CACNB4: variants seen among roughly 807,000 people sequenced by gnomAD.
CACNB4 encodes calcium voltage-gated channel auxiliary subunit beta 4.
In CACNB4, 32 loss-of-function variants were observed where a neutral mutation model predicts 71.2. The ratio of observed to expected loss-of-function variants is 0.45; its 90% confidence interval spans 0.34 to 0.60. CACNB4 has a LOEUF of 0.60. CACNB4 is among the 20% of genes least tolerant of loss of function. The pLI is 0.01. For missense variants in CACNB4, 464 were observed against 647.9 expected (o/e 0.72, Z 3.08); for synonymous variants, 231 against 236.9 (o/e 0.97, Z 0.23).
chr2:151,944,014 T>C (rs1003007239), intron 2 of CACNB4, among the ~76,000 whole-genome samples: 1 of 147,872 alleles, frequency 6.8e-6, no homozygotes, highest in African/African-American at 2.5e-5. Context: ...GGATACAGGA[T>C]TATACTTTCT....
At chr2:151,842,320 CTTTTTTTTTTTTT>C (rs35662354) in intron 12 of CACNB4, among the ~76,000 whole-genome samples, 5 of 67,708 alleles carry the variant, frequency 7.4e-5, no homozygotes, top group African/African-American at 2.9e-4. Context: ...ATATTTGGAT[CTTTTTTTTTTTTT>C]TTTTTTTTTT....
chr2:152,096,261 A>G (rs990866379), intron 2 of CACNB4, among the ~76,000 whole-genome samples: 2 of 152,118 alleles, frequency 1.3e-5, no homozygotes, highest in African/African-American at 2.4e-5. Flanking sequence ...AGGTGGGCAG[A>G]TCACGAGGTC....
chr2:152,063,037 C>T (rs1686107065), intron 2 of CACNB4, among the ~76,000 whole-genome samples: 1 of 152,204 alleles, frequency 6.6e-6, no homozygotes, highest in African/African-American at 2.4e-5. Context: ...ACAATTCCCT[C>T]AGCTGCTCCA....
chr2:152,004,336 T>G (rs1204890923), intron 2 of CACNB4, among the ~76,000 whole-genome samples: 1 of 152,040 alleles, frequency 6.6e-6, no homozygotes, highest in Non-Finnish European at 1.5e-5. Flanking sequence ...TCCTCTCCTT[T>G]TCGATGTTCT....
intron 2 of CACNB4, among the ~76,000 whole-genome samples, chr2:152,038,808 C>T (rs1254625770): frequency 1.3e-5 from 2 of 152,126 alleles, no homozygotes; most frequent in Non-Finnish European, 2.9e-5. Context: ...TGGAGAGGGA[C>T]AGTTCCCTCA....
rs1685631319 is a variant in CACNB4, at chr2:152,054,612, CATAAG to C, written c.147+43713_147+43717del. On this transcript the variant is annotated intron_variant, in intron 2 of 13. Coordinates refer to ENST00000539935, the MANE Select transcript of CACNB4 (RefSeq NM_000726.5). The stretch of plus-strand genomic sequence containing the variant: ...GTACCTAGTAGTGGACTTGCTGGGT[CATAAG>C]ATAACTCTATACTTAACCTTTTCAG... Among the ~76,000 whole-genome samples, 4 of 152,226 alleles carry C rather than the reference CATAAG, an allele frequency of 2.6e-5. No homozygotes were observed. The South Asian group carries it at 8.3e-4, about 32-fold the overall frequency.
chr2:152,019,651 T>TC (rs1000784489), intron 2 of CACNB4, among the ~76,000 whole-genome samples: 17 of 151,936 alleles, frequency 1.1e-4, no homozygotes, highest in Middle Eastern at 3.2e-3. Flanking sequence ...AGATGATATC[T>TC]CCCCAAAAAA....
chr2:152,049,065 T>C (rs1181441355), intron 2 of CACNB4, among the ~76,000 whole-genome samples: 1 of 152,186 alleles, frequency 6.6e-6, no homozygotes, highest in Non-Finnish European at 1.5e-5. Flanking sequence ...GCGGTAGCCT[T>C]GTATGTTTTT....
intron 2 of CACNB4, among the ~76,000 whole-genome samples, chr2:151,943,444 A>C (rs1467828733): frequency 1.3e-5 from 2 of 152,180 alleles, no homozygotes; most frequent in Non-Finnish European, 2.9e-5. Context: ...AAAATCTATA[A>C]AGAGGTCTTC....
intron 2 of CACNB4, among the ~76,000 whole-genome samples, chr2:152,066,116 A>G (rs973029975): frequency 5.9e-5 from 9 of 152,162 alleles, no homozygotes; most frequent in Non-Finnish European, 1.0e-4. Flanking sequence ...ATCTTACTCC[A>G]GCCTCTGCTG....
At chr2:151,936,389 C>T (rs138330874) in intron 2 of CACNB4, 3 of 152,296 alleles carry the variant, frequency 2.0e-5, no homozygotes, top group South Asian at 2.1e-4. Context: ...TTTGCCACTT[C>T]CTTAGGGAAT....
intron 6 of CACNB4, chr2:151,871,909 C>G (rs565583546): frequency 1.3e-5 from 2 of 159,394 alleles, no homozygotes; most frequent in East Asian, 3.8e-4. Context: ...CTCTTCATTA[C>G]CATTAATTCC....
chr2:151,868,555 C>T (rs1332991716), intron 9 of CACNB4: 2 of 151,920 alleles, frequency 1.3e-5, no homozygotes, highest in Non-Finnish European at 2.9e-5. Flanking sequence ...ATGGCTAATG[C>T]CTGAGCCATA....
chr2:151,882,567 A>G (rs2099848191), intron 3 of CACNB4, among the ~76,000 whole-genome samples: 1 of 152,124 alleles, frequency 6.6e-6, no homozygotes, highest in Non-Finnish European at 1.5e-5. Context: ...TCGTGCTTCA[A>G]AAAATCAAAA....
chr2:151,973,579 G>T, intron 2 of CACNB4: 2 of 1,185,230 alleles, frequency 1.7e-6, no homozygotes, highest in Non-Finnish European at 1.2e-6. Flanking sequence ...TCCCTGCGTT[G>T]CCTAAGAAAT....
chr2:152,051,035 T>C (rs1386447216), intron 2 of CACNB4, among the ~76,000 whole-genome samples: 1 of 151,958 alleles, frequency 6.6e-6, no homozygotes, highest in African/African-American at 2.4e-5. Flanking sequence ...TCCCAAGTGC[T>C]GGGATTACAG....
At chr2:152,015,138 AT>A (rs917236829) in intron 2 of CACNB4, among the ~76,000 whole-genome samples, 72 of 146,624 alleles carry the variant, frequency 4.9e-4, no homozygotes, top group African/African-American at 9.9e-4. Context: ...CTCTAAAACA[AT>A]TTTTTTTTTT....
At position 152,008,771 on chromosome 2, in the gene CACNB4, C is replaced by T. The variant is rs1579118164; in HGVS notation, c.147+89559G>A. On this transcript the variant is annotated intron_variant, in intron 2 of 13. Transcript: ENST00000539935. Reference sequence around the variant, plus strand: ...TTGATCCTCCAAGCATGATCTCTTGCAGCCTGGGTGCAGCGGGGAGCTTGT... The same window carrying T: ...TTGATCCTCCAAGCATGATCTCTTGTAGCCTGGGTGCAGCGGGGAGCTTGT... Among the ~76,000 whole-genome samples the T allele has an allele frequency of 2.6e-5, 4 of 152,198 alleles. No individual in the cohort carries two copies. In the South Asian group the frequency reaches 8.3e-4, roughly 31 times the overall value.
At chr2:151,967,461 GA>G (rs551028799) in intron 2 of CACNB4, 53 of 143,776 alleles carry the variant, frequency 3.7e-4, no homozygotes, top group African/African-American at 1.3e-3. Flanking sequence ...ATGCCCAATA[GA>G]AGGCAAAATT....
Sources: allele counts gnomAD v4.1 joint callset (sites outside exome capture counted in the v4.1 genomes callset), GRCh38; gene constraint gnomAD v4.1.1; transcripts MANE v1.5; gene names NCBI Gene and HGNC (gene_info 2026-07-23, HGNC 2026-07-21).